The following RFX1 variants were observed in gnomAD, a reference collection of about 807,000 sequenced individuals.
RFX1 encodes the protein regulatory factor X1.
Under a neutral mutation model 119.6 loss-of-function variants are expected in RFX1, and 42 were observed. The observed-to-expected ratio is 0.35, with a 90% CI of 0.27 to 0.45. The LOEUF (loss-of-function observed/expected upper bound fraction) is 0.45. Among genes scored for constraint, RFX1 ranks in the 20% least tolerant of loss-of-function variants. RFX1 has a pLI of 1.00. For missense variants in RFX1, 1,118 were observed against 1,368.1 expected (o/e 0.82, Z 2.88); for synonymous variants, 628 against 618.5 (o/e 1.02, Z -0.23).
chr19:13,993,997 G>A, intron 1 of RFX1, 102 bp from the exon 2 acceptor site: 1 of 722,218 alleles, frequency 1.4e-6, no homozygotes, highest in Non-Finnish European at 2.3e-6. Flanking sequence ...GACAGCTCTG[G>A]GTTCCCTGGA....
At position 13,965,214 on chromosome 19, in the gene RFX1, G is replaced by A. The variant is rs768251365; in HGVS notation, c.2211+235C>T. ...TTGGTTTTTATTTTTGAAAGATGCT[G>A]TGTTGAGTACAGTAACACCACAAAG... On this transcript the variant is annotated intron_variant, in intron 16 of 20. Coordinates refer to ENST00000254325, the MANE Select transcript of RFX1 (RefSeq NM_002918.5). This position sits in a 1 kb window ranked among gnomAD's most constrained non-coding sequence, Gnocchi z 4.7. 6.6e-6 allele frequency among the ~76,000 whole-genome samples: 1 copy of A among 152,234 alleles called. No homozygotes were observed. Among genetic ancestry groups the A allele is most frequent in the Non-Finnish European group, 1.5e-5 (1 of 68,044 alleles).
At chr19:14,002,177 T>C (rs771753634) in intron 1 of RFX1, among the ~76,000 whole-genome samples, 2 of 151,798 alleles carry the variant, frequency 1.3e-5, no homozygotes, top group Non-Finnish European at 2.9e-5. Flanking sequence ...GAGCCGGTCA[T>C]GGTGGCGGGC....
In RFX1 at chr19:13,968,185, C is replaced by T. The variant is rs749374233; in HGVS notation, c.1732+380G>A. 1.3e-5 allele frequency among the ~76,000 whole-genome samples: 2 copies of T among 152,016 alleles called. No homozygotes were observed. The highest frequency in any genetic ancestry group is 2.9e-5 in the Non-Finnish European group (2 of 67,986). On this transcript the variant is annotated intron_variant, in intron 12 of 20. Coordinates refer to ENST00000254325, the MANE Select transcript of RFX1 (RefSeq NM_002918.5). This position sits in a 1 kb window ranked among gnomAD's most constrained non-coding sequence, Gnocchi z 5.5. ...AGGAGAATCACTTGAACCCAGGAGG[C>T]GGAGGTTGCAGTGAGCTAGGATGGT... is the stretch of plus-strand genomic sequence containing the variant.
At chr19:14,003,531 C>T (rs73925705) in intron 1 of RFX1, among the ~76,000 whole-genome samples, 1,583 of 152,248 alleles carry the variant, frequency 0.01, 32 homozygotes, top group African/African-American at 0.036. Flanking sequence ...GAACAGGAAG[C>T]GACAATCACC....
chr19:13,982,274 CGTGCA>C (rs1180661203), intron 4 of RFX1, 46 bp from the exon 5 acceptor site: 13 of 1,111,450 alleles, frequency 1.2e-5, no homozygotes, highest in Middle Eastern at 2.4e-4. Flanking sequence ...GATGACAGCC[CGTGCA>C]GTTGCACCGA....
intron 1 of RFX1, among the ~76,000 whole-genome samples, chr19:13,996,895 C>T (rs567319712): frequency 3.3e-5 from 5 of 151,980 alleles, no homozygotes; most frequent in East Asian, 1.9e-4. Flanking sequence ...AGCTAATTTT[C>T]GTGTTTTTAG....
upstream of RFX1, chr19:14,006,776 C>T (rs1975394749): frequency 6.6e-6 from 1 of 152,286 alleles, no homozygotes; most frequent in South Asian, 2.1e-4. Flanking sequence ...GAAAGGAAGA[C>T]TCCGCTCCAG....
At position 13,962,715 on chromosome 19, in the gene RFX1, G is replaced by A; in HGVS notation, c.2920C>T (p.Gln974Ter). ...AGGGCTTAGCTGGAGGGCAGCGCCT[G>A]CACGAAGAGGCCGCGCGCGTCAGTC... Reference protein sequence around the residue: ...ARTDARGLFVQALPSS With the variant: ...ARTDARGLFV The change falls in exon 21 of 21, where the codon CAG becomes TAG. Residue 974 changes from glutamine (Q) to a stop codon, truncating the protein, a stop_gained. Coordinates refer to ENST00000254325, the MANE Select transcript of RFX1 (RefSeq NM_002918.5). LOFTEE classifies it high-confidence loss of function. The A allele has an allele frequency of 6.5e-7, 1 of 1,528,958 alleles. No homozygotes were observed. 94.7% of individuals were successfully genotyped at this position (1,528,958 alleles called of 1,614,324 possible).
At chr19:13,967,959 G>T (rs1392769832) in intron 12 of RFX1, among the ~76,000 whole-genome samples, 1 of 152,038 alleles carries the variant, frequency 6.6e-6, no homozygotes, top group Non-Finnish European at 1.5e-5. Context: ...GGTGGGATTT[G>T]AAATCTCATG....
In RFX1 at chr19:13,966,041, C is replaced by T. The variant is rs529749101; in HGVS notation, c.1962-264G>A. On this transcript the variant is annotated intron_variant, in intron 14 of 20. Coordinates refer to ENST00000254325, the MANE Select transcript of RFX1 (RefSeq NM_002918.5). The surrounding 1 kb of genome is among the most constrained non-coding windows in gnomAD (Gnocchi z 6.3). The stretch of plus-strand genomic sequence containing the variant: ...ACTGGGGGCACTCTGTGGCCCTGCC[C>T]CCAGCGTCAGAAGGGCACAGGTACC... 2.6e-5 allele frequency among the ~76,000 whole-genome samples: 4 copies of T among 152,208 alleles called. No homozygotes were observed. Among genetic ancestry groups the T allele is most frequent in the South Asian group, 2.1e-4 (1 of 4,824 alleles).
intron 2 of RFX1, among the ~76,000 whole-genome samples, chr19:13,984,927 T>G (rs79409145): frequency 0.25 from 38,312 of 152,012 alleles, 4,932 homozygotes; most frequent in South Asian, 0.32. Context: ...TAGCACGATC[T>G]TGGCTCACTG....
At chr19:13,983,663 C>T (rs956820825) in intron 2 of RFX1, 68 bp from the exon 3 acceptor site, 14 of 1,358,724 alleles carry the variant, frequency 1.0e-5, no homozygotes, top group Non-Finnish European at 1.4e-5. Flanking sequence ...CTGAGCCCCC[C>T]TGGAGGGGAA....
At chr19:13,994,910 A>ATATG (rs1974950738) in intron 1 of RFX1, among the ~76,000 whole-genome samples, 3 of 85,888 alleles carry the variant, frequency 3.5e-5, no homozygotes, top group Non-Finnish European at 7.6e-5. Context: ...ATATATATAT[A>ATATG]TATATATATA....
At position 13,968,125 on chromosome 19, in the gene RFX1, G is replaced by A. The variant is rs56970275; in HGVS notation, c.1732+440C>T. 0.062 allele frequency among the ~76,000 whole-genome samples: 9,473 copies of A among 151,990 alleles called. 980 individuals carry two copies. The highest frequency in any genetic ancestry group is 0.21 in the African/African-American group (8,778 of 41,390). ...TAAAATTAGCCAGGCATAGTGGCAC[G>A]TGCCTGTAGTTCCAGCTACTCAGGA... On this transcript the variant is annotated intron_variant, in intron 12 of 20. Coordinates refer to ENST00000254325, the MANE Select transcript of RFX1 (RefSeq NM_002918.5). This position sits in a 1 kb window ranked among gnomAD's most constrained non-coding sequence, Gnocchi z 5.5.
Position 13,963,725 on chromosome 19 carries a change from G to A in RFX1, c.2383C>T (p.Arg795Cys), listed in dbSNP as rs1274646373. The A allele has an allele frequency of 1.3e-6, 2 of 1,598,594 alleles. No homozygotes were observed. The highest frequency in any genetic ancestry group is 1.7e-5 in the Admixed American group (1 of 59,186). ...CGCTGCACCACGCGGTCCTCGCAGC[G>A]GCACACCCACGAGGCCTGCTCCTGG... Reference protein sequence around the residue: ...NVQEQASWVCRCEDRVVQRLE... With the variant: ...NVQEQASWVCCCEDRVVQRLE... The change falls in exon 18 of 21, where the codon CGC (arginine) becomes TGC (cysteine). Residue 795 changes from arginine to cysteine, a missense_variant. Transcript: ENST00000254325.
chr19:13,994,586 A>G (rs923513889), intron 1 of RFX1, among the ~76,000 whole-genome samples: 2 of 151,622 alleles, frequency 1.3e-5, no homozygotes, highest in Non-Finnish European at 1.5e-5. Context: ...GTGGTGGTGC[A>G]TGCCTGTAGT....
At chr19:13,976,466 A>T (rs1196920149) in intron 8 of RFX1, among the ~76,000 whole-genome samples, 1 of 152,216 alleles carries the variant, frequency 6.6e-6, no homozygotes, top group Non-Finnish European at 1.5e-5. Context: ...AAGCGGGGCC[A>T]GGACGTGGCC....
chr19:14,005,883 C>T (rs984196826), intron 1 of RFX1, among the ~76,000 whole-genome samples: 2 of 151,664 alleles, frequency 1.3e-5, no homozygotes, highest in African/African-American at 2.4e-5. Flanking sequence ...CGCCGCGGGC[C>T]TGCGAGCGCC....
In RFX1 at chr19:13,962,324, G is replaced by GT. The variant is rs901410032; in HGVS notation, c.*370dup. The GT allele has an allele frequency of 4.4e-5, 12 of 270,874 alleles. No individual in the cohort carries two copies. The highest frequency in any genetic ancestry group is 7.0e-5 in the Non-Finnish European group (10 of 142,460). The allele number at this position is 270,874 out of a possible 1,614,324, so 16.8% of individuals were successfully genotyped here. On this transcript the variant is annotated 3_prime_UTR_variant, in exon 21 of 21. Transcript: ENST00000254325. ...TGTGCAAAGCCAGCGAGCTGAATAA[G>GT]TTAACAGTTTCGCACGGGAGGGGGC...
Sources: gnomAD v4.1 joint callset for allele counts (sites outside exome capture counted in the v4.1 genomes callset) on GRCh38, gnomAD v4.1.1 for gene constraint, Gnocchi (gnomAD v3.1) non-coding constraint, MANE v1.5 for transcripts, NCBI Gene and HGNC (gene_info 2026-07-23, HGNC 2026-07-21) for gene names.